MATN2: variants seen among roughly 807,000 people sequenced by gnomAD.
The protein encoded by MATN2 is matrilin 2.
A neutral mutation model predicts 103.2 loss-of-function variants in MATN2; 69 were observed. The ratio of observed to expected loss-of-function variants is 0.67; its 90% CI spans 0.55 to 0.82. The LOEUF (loss-of-function observed/expected upper bound fraction) is 0.82, where lower values mean the gene tolerates loss of function less well. Among genes scored for constraint, MATN2 ranks in the 40% least tolerant of loss-of-function variants. MATN2 has a pLI of 0.00. For synonymous variants in MATN2, 429 were observed against 450.2 expected, an observed-to-expected ratio of 0.95 and a Z score of 0.60; for missense variants, 1,023 against 1,211.5, an observed-to-expected ratio of 0.84 and a Z score of 2.31.
intron 2 of MATN2, among the ~76,000 whole-genome samples, chr8:97,920,910 G>A (rs113187378): frequency 0.017 from 2,537 of 152,294 alleles, 84 homozygotes; most frequent in African/African-American, 0.059. Flanking sequence ...ACTGATTAGG[G>A]GTGTCGGTCA....
chr8:97,901,970 G>T (rs55848751), intron 2 of MATN2, among the ~76,000 whole-genome samples: 4,877 of 152,116 alleles, frequency 0.032, 82 homozygotes, highest in Middle Eastern at 0.061. Context: ...TTTCAAATCT[G>T]TTGTTATAAA....
At chr8:97,878,620 C>T (rs1278424069) in intron 1 of MATN2, among the ~76,000 whole-genome samples, 2 of 151,650 alleles carry the variant, frequency 1.3e-5, no homozygotes, top group Non-Finnish European at 2.9e-5. Flanking sequence ...GAGAGCAAGG[C>T]GGGGGAATCA....
At chr8:97,893,506 G>T (rs1240886550) in intron 2 of MATN2, among the ~76,000 whole-genome samples, 2 of 152,110 alleles carry the variant, frequency 1.3e-5, no homozygotes, top group South Asian at 2.1e-4. Context: ...AACCAGTGGG[G>T]TATATCAGCC....
intron 7 of MATN2, among the ~76,000 whole-genome samples, chr8:97,997,139 G>T (rs1812612430): frequency 6.6e-6 from 1 of 152,232 alleles, no homozygotes; most frequent in Admixed American, 6.5e-5. Flanking sequence ...CCCAGGTAGA[G>T]CCCTAGGGCC....
chr8:97,934,257 G>C (rs1373733996), intron 3 of MATN2, among the ~76,000 whole-genome samples: 1 of 152,202 alleles, frequency 6.6e-6, no homozygotes, highest in East Asian at 1.9e-4. Context: ...AATCCTTTGT[G>C]CTCTCTGAGC....
At chr8:97,930,037 C>A (rs1416064113) in intron 2 of MATN2, among the ~76,000 whole-genome samples, 1 of 152,178 alleles carries the variant, frequency 6.6e-6, no homozygotes, top group African/African-American at 2.4e-5. Flanking sequence ...ATTCTGTTAC[C>A]CACCACATTC....
intron 5 of MATN2, among the ~76,000 whole-genome samples, chr8:97,974,218 A>C (rs1811758519): frequency 6.6e-6 from 1 of 152,026 alleles, no homozygotes; most frequent in Non-Finnish European, 1.5e-5. Context: ...AGCTCACTGC[A>C]ACCTCCACCT....
At position 98,007,992 on chromosome 8, in the gene MATN2, G is replaced by T. The variant is rs1466910044; in HGVS notation, c.1573+391G>T. Among the ~76,000 whole-genome samples the T allele has an allele frequency of 6.6e-6, 1 of 152,186 alleles. No individual in the cohort carries two copies. The highest frequency in any genetic ancestry group is 2.4e-5 in the African/African-American group (1 of 41,444). ...AGCACACATGCTGTTGCATTCAGGG[G>T]ACAGATGAGGAAAAACTGTAGCTCA... On this transcript the variant is annotated intron_variant, in intron 10 of 18. Coordinates refer to ENST00000254898, the MANE Select transcript of MATN2 (RefSeq NM_002380.5). The surrounding 1 kb of genome is among the most constrained non-coding windows in gnomAD (Gnocchi z 4.2).
At chr8:97,980,530 G>A (rs1167729508) in intron 6 of MATN2, among the ~76,000 whole-genome samples, 1 of 148,240 alleles carries the variant, frequency 6.7e-6, no homozygotes, top group Non-Finnish European at 1.5e-5. Flanking sequence ...GGATGATAAT[G>A]CTGCCTACTG....
intron 13 of MATN2, among the ~76,000 whole-genome samples, chr8:98,022,337 T>A (rs1813624157): frequency 6.7e-6 from 1 of 148,390 alleles, no homozygotes; most frequent in South Asian, 2.2e-4. Context: ...TATATACATA[T>A]CTAATGTGTA....
chr8:97,889,488 T>TATATATATATATATATAA (rs1347479451), intron 2 of MATN2, among the ~76,000 whole-genome samples: 2 of 133,356 alleles, frequency 1.5e-5, no homozygotes, highest in Non-Finnish European at 3.2e-5. Context: ...TATATATATA[T>TATATATATATATATATAA]AAAACTGATG....
chr8:98,017,875 A>T, intron 11 of MATN2, 119 bp from the exon 12 acceptor site: 1 of 1,095,430 alleles, frequency 9.1e-7, no homozygotes, highest in Non-Finnish European at 1.4e-6. Flanking sequence ...CCCATGGACC[A>T]CTGAGCTCAG....
chr8:97,899,113 C>T (rs1818905483), intron 2 of MATN2, among the ~76,000 whole-genome samples: 1 of 152,028 alleles, frequency 6.6e-6, no homozygotes, highest in Admixed American at 6.6e-5. Context: ...GAATTGGACT[C>T]ATCTTTCAGG....
chr8:97,884,402 G>T (rs373050730), intron 1 of MATN2, among the ~76,000 whole-genome samples: 3 of 152,070 alleles, frequency 2.0e-5, no homozygotes, highest in African/African-American at 2.4e-5. Flanking sequence ...AGCCTCCAAA[G>T]TGCTGGGATT....
chr8:97,899,366 T>C (rs890437322), intron 2 of MATN2, among the ~76,000 whole-genome samples: 8 of 152,194 alleles, frequency 5.3e-5, no homozygotes, highest in African/African-American at 1.7e-4. Flanking sequence ...AATATATATA[T>C]GTTCTAGAAA....
chr8:97,951,104 G>A (rs1586082046), intron 4 of MATN2: 1 of 152,260 alleles, frequency 6.6e-6, no homozygotes, highest in East Asian at 1.9e-4. Context: ...CACCTGAGCT[G>A]TGGCTGAGCT....
At position 98,036,358 on chromosome 8, in the gene MATN2, A is replaced by G. The variant is rs1238576359; in HGVS notation, c.*646A>G. 2 of 152,232 alleles carry G rather than the reference A, an allele frequency of 1.3e-5. No homozygotes were observed. Among genetic ancestry groups the G allele is most frequent in the Non-Finnish European group, 2.9e-5 (2 of 68,034 alleles). 9.4% of individuals were successfully genotyped at this position (152,232 alleles called of 1,614,324 possible). ...GTTAAAACAATACCATTTTTCACCC[A>G]TCAGCTTAGCAAAAATGAGTATATT... is the stretch of plus-strand genomic sequence containing the variant. On this transcript the variant is annotated 3_prime_UTR_variant, in exon 19 of 19. Coordinates refer to ENST00000254898, the MANE Select transcript of MATN2 (RefSeq NM_002380.5).
chr8:97,931,229 T>A lies in MATN2; in HGVS notation c.419T>A (p.Ile140Asn). ...LSTGTMTGLA[I>N]QYALNIAFSE... Reference sequence around the variant, plus strand: ...ACGGGCACCATGACTGGGCTGGCCATCCAGTATGCCCTGAACATCGCATTC... The same window carrying A: ...ACGGGCACCATGACTGGGCTGGCCAACCAGTATGCCCTGAACATCGCATTC... Residue 140 changes from isoleucine to asparagine, a missense_variant, in exon 3 of 19, where the codon ATC becomes AAC. Transcript: ENST00000254898. This position sits in a 1 kb window ranked among gnomAD's most constrained non-coding sequence, Gnocchi z 4.1. 6.2e-7 allele frequency: 1 copy of A among 1,613,728 alleles called. No individual in the cohort carries two copies. Among genetic ancestry groups the A allele is most frequent in the East Asian group, 2.2e-5 (1 of 44,860 alleles).
chr8:97,949,166 A>C (rs2130212805), intron 4 of MATN2, among the ~76,000 whole-genome samples: 1 of 112,388 alleles, frequency 8.9e-6, no homozygotes, highest in Non-Finnish European at 1.7e-5. Context: ...CCTCCACTAG[A>C]ATGGATTTTT....
Sources: allele counts gnomAD v4.1 joint callset (sites outside exome capture counted in the v4.1 genomes callset), GRCh38; gene constraint gnomAD v4.1.1; non-coding constraint Gnocchi (gnomAD v3.1); transcripts MANE v1.5; gene names NCBI Gene and HGNC (gene_info 2026-07-23, HGNC 2026-07-21).